The following STPG2 variants were observed in gnomAD, a reference collection of about 807,000 sequenced individuals.
STPG2 encodes sperm tail PG-rich repeat containing 2.
A neutral mutation model predicts 54.2 loss-of-function variants in STPG2; 56 were observed. That is an observed-to-expected ratio of 1.03 (90% confidence interval 0.83 to 1.29). The LOEUF is 1.29. STPG2 is among the 50% of genes most tolerant of loss of function. The pLI is 0.00. For missense variants in STPG2, 596 were observed against 544.9 expected, an observed-to-expected ratio of 1.09 and a Z score of -0.93; for synonymous variants, 200 against 181.8, an observed-to-expected ratio of 1.10 and a Z score of -0.81.
intron 10 of STPG2, among the ~76,000 whole-genome samples, chr4:97,710,115 T>C (rs1358383489): frequency 3.1e-5 from 3 of 96,728 alleles, no homozygotes; most frequent in African/African-American, 1.4e-4. Flanking sequence ...TAAAATTGTA[T>C]GCACATTTTT....
chr4:97,575,101 C>T (rs1206335682), intron 10 of STPG2, among the ~76,000 whole-genome samples: 1 of 151,820 alleles, frequency 6.6e-6, no homozygotes, highest in African/African-American at 2.4e-5. Context: ...AATCAAAATG[C>T]TGAACAGACT....
intron 8 of STPG2, among the ~76,000 whole-genome samples, chr4:97,895,139 A>G (rs775476867): frequency 6.6e-6 from 1 of 151,870 alleles, no homozygotes; most frequent in Non-Finnish European, 1.5e-5. Context: ...CAATTGCAAT[A>G]AAGTATGATA....
chr4:98,029,345 A>G (rs1193591484), intron 5 of STPG2, among the ~76,000 whole-genome samples: 1 of 152,124 alleles, frequency 6.6e-6, no homozygotes, highest in Non-Finnish European at 1.5e-5. Flanking sequence ...TGTTCCCTCA[A>G]GCATTCTGAA....
intron 5 of STPG2, among the ~76,000 whole-genome samples, chr4:97,995,747 C>T (rs1735184863): frequency 2.0e-5 from 3 of 152,138 alleles, no homozygotes; most frequent in Admixed American, 1.3e-4. Context: ...CCAGTGACTC[C>T]TAGAAAACAG....
intron 5 of STPG2, among the ~76,000 whole-genome samples, chr4:98,019,901 C>T (rs2149290023): frequency 8.3e-6 from 1 of 121,110 alleles, no homozygotes; most frequent in South Asian, 2.9e-4. Context: ...TGCTTATCAG[C>T]TTAAGGAGAT....
chr4:97,797,865 G>A (rs746096411), intron 9 of STPG2, among the ~76,000 whole-genome samples: 4 of 152,116 alleles, frequency 2.6e-5, no homozygotes, highest in Admixed American at 2.6e-4. Flanking sequence ...CAATTTCAGA[G>A]CCTGTTATTG....
intron 5 of STPG2, among the ~76,000 whole-genome samples, chr4:98,052,799 G>T (rs1462865425): frequency 1.3e-5 from 2 of 152,100 alleles, no homozygotes; most frequent in Non-Finnish European, 2.9e-5. Flanking sequence ...TTCTGGAGAA[G>T]AATCTGTATA....
At chr4:97,912,525 C>T (rs750258910) in intron 8 of STPG2, among the ~76,000 whole-genome samples, 1 of 152,140 alleles carries the variant, frequency 6.6e-6, no homozygotes, top group Non-Finnish European at 1.5e-5. Flanking sequence ...GATGCACTCA[C>T]AAGTATCAAT....
intron 5 of STPG2, among the ~76,000 whole-genome samples, chr4:97,987,270 T>C (rs954860868): frequency 6.7e-5 from 10 of 148,786 alleles, no homozygotes; most frequent in African/African-American, 1.8e-4. Flanking sequence ...GCTCTTCACA[T>C]GATTAAATAC....
intron 9 of STPG2, among the ~76,000 whole-genome samples, chr4:97,746,786 T>G (rs1163504884): frequency 1.3e-5 from 2 of 151,192 alleles, no homozygotes; most frequent in Non-Finnish European, 3.0e-5. Context: ...TCTGTGCACC[T>G]CGAAAGTATC....
At chr4:97,807,469 G>A (rs1727604702) in intron 9 of STPG2, among the ~76,000 whole-genome samples, 1 of 151,714 alleles carries the variant, frequency 6.6e-6, no homozygotes, top group South Asian at 2.1e-4. Flanking sequence ...GCCCCAAAAT[G>A]TTGATCATTT....
intron 5 of STPG2, among the ~76,000 whole-genome samples, chr4:97,997,416 G>C (rs1216862494): frequency 6.6e-6 from 1 of 152,290 alleles, no homozygotes; most frequent in South Asian, 2.1e-4. Flanking sequence ...AGGAGCAAAA[G>C]AGCAATGGGG....
At chr4:97,818,458 T>G (rs897664058) in intron 9 of STPG2, among the ~76,000 whole-genome samples, 2 of 151,850 alleles carry the variant, frequency 1.3e-5, no homozygotes, top group African/African-American at 4.8e-5. Flanking sequence ...GGTCTCTCTC[T>G]CTCTCTCAAA....
At chr4:97,863,101 C>A (rs931796708) in intron 8 of STPG2, among the ~76,000 whole-genome samples, 4 of 151,764 alleles carry the variant, frequency 2.6e-5, no homozygotes, top group Admixed American at 6.6e-5. Flanking sequence ...AAGATCAGAG[C>A]AGAACTGAAG....
chr4:97,780,845 G>A (rs1248230064), intron 9 of STPG2, among the ~76,000 whole-genome samples: 11 of 152,044 alleles, frequency 7.2e-5, no homozygotes, highest in African/African-American at 2.7e-4. Context: ...GGTACATAAG[G>A]AAATGAAGGC....
intron 5 of STPG2, among the ~76,000 whole-genome samples, chr4:98,003,254 G>A (rs1388092075): frequency 3.9e-5 from 6 of 152,100 alleles, no homozygotes; most frequent in African/African-American, 1.4e-4. Flanking sequence ...AAGCTGGAAG[G>A]TTGGGTGTTT....
intron 5 of STPG2, among the ~76,000 whole-genome samples, chr4:98,071,364 T>C (rs1737997244): frequency 6.6e-6 from 1 of 152,124 alleles, no homozygotes; most frequent in Admixed American, 6.5e-5. Context: ...TGGCTAGCCA[T>C]ACGCAGAAAA....
intron 9 of STPG2, among the ~76,000 whole-genome samples, chr4:97,758,106 G>T (rs1309815191): frequency 6.6e-6 from 1 of 152,062 alleles, no homozygotes; most frequent in Non-Finnish European, 1.5e-5. Context: ...AATAAAAATG[G>T]TATATTAAGA....
intron 9 of STPG2, among the ~76,000 whole-genome samples, chr4:97,821,630 G>A (rs1728094598): frequency 6.6e-6 from 1 of 152,198 alleles, no homozygotes; most frequent in Non-Finnish European, 1.5e-5. Flanking sequence ...GGGCACCCAG[G>A]TTTTCTCATA....
Sources: allele counts gnomAD v4.1 joint callset (sites outside exome capture counted in the v4.1 genomes callset), GRCh38; gene constraint gnomAD v4.1.1; transcripts MANE v1.5; gene names NCBI Gene and HGNC (gene_info 2026-07-23, HGNC 2026-07-21).